Variants in HERC1 observed in about 807,000 individuals in gnomAD.
The protein encoded by HERC1 is probable E3 ubiquitin-protein ligase HERC1.
HERC1 carries 160 observed loss-of-function variants against 554.3 expected under a neutral mutation model. That is an observed-to-expected ratio of 0.29 (90% CI 0.25 to 0.33). The LOEUF (loss-of-function observed/expected upper bound fraction) is 0.33. Among genes scored for constraint, HERC1 ranks in the 10% least tolerant of loss-of-function variants. HERC1 has a pLI of 1.00. For synonymous variants in HERC1, 2,175 were observed against 2,131.7 expected (o/e 1.02, Z -0.56); for missense variants, 4,919 against 5,918.5 (o/e 0.83, Z 5.54).
chr15:63,617,608 A>G (rs1039109453), intron 74 of HERC1, among the ~76,000 whole-genome samples: 1 of 152,230 alleles, frequency 6.6e-6, no homozygotes, highest in Non-Finnish European at 1.5e-5. Context: ...TGGTTGAACT[A>G]GTTTACAGTC....
At chr15:63,690,463 G>T in intron 32 of HERC1, 78 bp downstream of exon 32, 1 of 849,146 alleles carries the variant, frequency 1.2e-6, no homozygotes, top group East Asian at 2.5e-5. Context: ...TACAACTGAA[G>T]AGACTGTTAA....
intron 48 of HERC1, among the ~76,000 whole-genome samples, chr15:63,658,106 C>T (rs1343145193): frequency 6.6e-6 from 1 of 152,210 alleles, no homozygotes; most frequent in Non-Finnish European, 1.5e-5. Flanking sequence ...TTAATCACTT[C>T]TTAAACAGCT....
chr15:63,734,664 C>A lies in HERC1; in HGVS notation c.2646+60G>T. On this transcript the variant is annotated intron_variant, in intron 13 of 77. Transcript: ENST00000443617. The surrounding 1 kb of genome is among the most constrained non-coding windows in gnomAD (Gnocchi z 4.6). ...CATGGCAATTTATTAGTTTTATTTC[C>A]TTCTCAGTCCAAATTTTTAGGATAC... 1.4e-6 allele frequency: 2 copies of A among 1,420,182 alleles called. No homozygotes were observed. The highest frequency in any genetic ancestry group is 1.5e-5 in the South Asian group (1 of 67,348). The allele number at this position is 1,420,182 out of a possible 1,614,324, so 88.0% of individuals were successfully genotyped here. A position where few individuals can be genotyped will look rare whatever the true frequency, so the allele number is the denominator to read the frequency against.
In HERC1 at chr15:63,694,531, A is replaced by C; in HGVS notation, c.5261T>G (p.Leu1754Arg). The change falls in exon 29 of 78, where the codon CTT becomes CGT. Residue 1754 changes from leucine to arginine, a missense_variant. Transcript: ENST00000443617. The surrounding 1 kb of genome is among the most constrained non-coding windows in gnomAD (Gnocchi z 4.3). ...KHHIEAQQRL[L>R]LVTVFALSVH... ...ACTTAGGGCAAAAACTGTAACCAGA[A>C]GCAGACGTTGCTGGGCTTCTAAAAG... The C allele has an allele frequency of 6.2e-7, 1 of 1,614,040 alleles. No individual in the cohort carries two copies. Among genetic ancestry groups the C allele is most frequent in the African/African-American group, 1.3e-5 (1 of 75,070 alleles).
chr15:63,616,142 A>C lies in HERC1; in HGVS notation c.13942-222T>G, dbSNP rs184664455. On this transcript the variant is annotated intron_variant, in intron 75 of 77. Coordinates refer to ENST00000443617, the MANE Select transcript of HERC1 (RefSeq NM_003922.4). ...GACAAAATCTCTCTGTTCACAAACC[A>C]AGCCTGTTGAACTCTCGTGACCTCA... 3.0e-4 allele frequency among the ~76,000 whole-genome samples: 46 copies of C among 152,274 alleles called. 1 individual carries two copies. Among genetic ancestry groups the C allele is most frequent in the Admixed American group, 2.7e-3 (42 of 15,302 alleles).
At position 63,758,232 on chromosome 15, in the gene HERC1, A is replaced by G; in HGVS notation, c.1164T>C (p.Gly388=). The part of the protein sequence containing the change: ...GSNSSHQLVE[G]TQEKILQPKL... ...TGGGTTGCAGTATTTTCTCCTGTGT[A>G]CCTTCTACCAACTGATGGCTGCTAT... Residue 388 remains glycine, a synonymous_variant, in exon 4 of 78, where the codon GGT becomes GGC. Coordinates refer to ENST00000443617, the MANE Select transcript of HERC1 (RefSeq NM_003922.4). The surrounding 1 kb of genome is among the most constrained non-coding windows in gnomAD (Gnocchi z 4.0). The G allele has an allele frequency of 1.2e-6, 2 of 1,613,836 alleles. No individual in the cohort carries two copies.
At position 63,716,432 on chromosome 15, in the gene HERC1, C is replaced by T; in HGVS notation, c.4020G>A (p.Glu1340=). 6.2e-7 allele frequency: 1 copy of T among 1,613,702 alleles called. No homozygotes were observed. The highest frequency in any genetic ancestry group is 8.5e-7 in the Non-Finnish European group (1 of 1,179,728). Residue 1340 remains glutamate, a synonymous_variant, in exon 22 of 78, where the codon GAG becomes GAA. Coordinates refer to ENST00000443617, the MANE Select transcript of HERC1 (RefSeq NM_003922.4). ...CATCAATAGTTCGAGTAAATGAATG[C>T]TCCTGAGGATCAACATCTGCAGAGT... The part of the protein sequence containing the change: ...NQDSADVDPQ[E]HSFTRTIDEE...
chr15:63,747,331 G>A (rs1398029193), intron 11 of HERC1, among the ~76,000 whole-genome samples: 1 of 151,992 alleles, frequency 6.6e-6, no homozygotes, highest in Non-Finnish European at 1.5e-5. Context: ...ATGATGGCGG[G>A]TGCCTGTAAT....
chr15:63,699,127 T>C, intron 25 of HERC1, 131 bp from the exon 26 acceptor site: 1 of 740,046 alleles, frequency 1.4e-6, no homozygotes, highest in Non-Finnish European at 2.2e-6. Flanking sequence ...AATACGCGCA[T>C]GCATTAAGTG....
At chr15:63,751,706 A>G (rs2075254105) in intron 8 of HERC1, among the ~76,000 whole-genome samples, 1 of 152,212 alleles carries the variant, frequency 6.6e-6, no homozygotes, top group African/African-American at 2.4e-5. Context: ...TACCCATTAA[A>G]AGTATTTCTG....
Position 63,775,100 on chromosome 15 carries a change from T to C in HERC1, c.524A>G (p.Gln175Arg), listed in dbSNP as rs2076077518. ...GLSLLFALLRQSWMMPVSGPG... is the reference protein window; with the variant it reads ...GLSLLFALLRRSWMMPVSGPG... ...TCCTGACACAGGCATCATCCAACTT[T>C]GTCTTAGAAGCGCAAATAATAAACT... The change falls in exon 2 of 78, where the codon CAA becomes CGA. Residue 175 changes from glutamine to arginine, a missense_variant. Physicochemically the swap from Gln to Arg is conservative, Grantham distance 43 (BLOSUM62 1). Transcript: ENST00000443617. The surrounding 1 kb of genome is among the most constrained non-coding windows in gnomAD (Gnocchi z 4.0). 8 of 1,614,036 alleles carry C rather than the reference T, an allele frequency of 5.0e-6. No homozygotes were observed. Among genetic ancestry groups the C allele is most frequent in the African/African-American group, 1.3e-5 (1 of 75,038 alleles).
At position 63,728,939 on chromosome 15, in the gene HERC1, T is replaced by TAAA. The variant is rs375000040; in HGVS notation, c.3154+294_3154+296dup. Among the ~76,000 whole-genome samples, 3,876 of 145,008 alleles carry TAAA rather than the reference T, an allele frequency of 0.027. 68 individuals are homozygous for TAAA. The highest frequency in any genetic ancestry group is 0.039 in the Non-Finnish European group (2,594 of 66,454). On this transcript the variant is annotated intron_variant, in intron 16 of 77. Transcript: ENST00000443617. ...AGAAAGGTAAAGAAAGAGCAGGTTT[T>TAAA]AAAAAAAAAAAAAAAGAGCAGATTA...
intron 50 of HERC1, among the ~76,000 whole-genome samples, chr15:63,655,026 T>C (rs2069944546): frequency 6.6e-6 from 1 of 152,160 alleles, no homozygotes; most frequent in Non-Finnish European, 1.5e-5. Flanking sequence ...ATGGTGTGAC[T>C]GTAACCAGTC....
At position 63,656,473 on chromosome 15, in the gene HERC1, A is replaced by C. The variant is rs2070043011; in HGVS notation, c.9600-115T>G. 5 of 928,474 alleles carry C rather than the reference A, an allele frequency of 5.4e-6. No homozygotes were observed. The South Asian group carries it at 8.3e-5, about 15-fold the overall frequency. The allele number at this position is 928,474 out of a possible 1,614,324, so 57.5% of individuals were successfully genotyped here. On this transcript the variant is annotated intron_variant, in intron 48 of 77. Coordinates refer to ENST00000443617, the MANE Select transcript of HERC1 (RefSeq NM_003922.4). The stretch of plus-strand genomic sequence containing the variant: ...ACAACCATAATAAAATGTAAGCTGC[A>C]CTATCATTAGCCATACATGTCCTAA...
In HERC1 at chr15:63,677,735, A is replaced by C. The variant is rs1308384029; in HGVS notation, c.7070+110T>G. ...CTAGCTGCATGAGAAATATTTTTAA[A>C]AGTTAACTGGCAGCTCACCTAAAAT... On this transcript the variant is annotated intron_variant, in intron 37 of 77. Coordinates refer to ENST00000443617, the MANE Select transcript of HERC1 (RefSeq NM_003922.4). The surrounding 1 kb of genome is among the most constrained non-coding windows in gnomAD (Gnocchi z 4.4). 1 of 1,487,906 alleles carries C rather than the reference A, an allele frequency of 6.7e-7. No individual in the cohort carries two copies. Among genetic ancestry groups the C allele is most frequent in the African/African-American group, 1.4e-5 (1 of 71,372 alleles). The allele number at this position is 1,487,906 out of a possible 1,614,324, so 92.2% of individuals were successfully genotyped here.
At chr15:63,818,353 T>C (rs1172834798) in intron 1 of HERC1, among the ~76,000 whole-genome samples, 1 of 152,036 alleles carries the variant, frequency 6.6e-6, no homozygotes, top group African/African-American at 2.4e-5. Flanking sequence ...TTTTATCTTG[T>C]GTACAAAAAC....
At chr15:63,825,818 T>C (rs1378907517) in intron 1 of HERC1, among the ~76,000 whole-genome samples, 8 of 152,034 alleles carry the variant, frequency 5.3e-5, no homozygotes, top group African/African-American at 7.3e-5. Flanking sequence ...AGGCTGAGTA[T>C]AGCGGTGGGT....
rs2070518393 is a variant in HERC1 at position 63,664,549 on chromosome 15, T to G, written c.8601A>C (p.Gly2867=). The G allele has an allele frequency of 1.2e-6, 2 of 1,613,532 alleles. No homozygotes were observed. Among genetic ancestry groups the G allele is most frequent in the East Asian group, 4.5e-5 (2 of 44,860 alleles). The change falls in exon 43 of 78, where the codon GGA becomes GGC. Residue 2867 remains glycine (G), a synonymous_variant. Coordinates refer to ENST00000443617, the MANE Select transcript of HERC1 (RefSeq NM_003922.4). ...DHTENAASGS[G]PSARGRSAVT... ...CCGCTGAGCGACCTCTAGCTGATGG[T>G]CCACTTCCAGAAGCTGCATTCTCTG...
In HERC1 at chr15:63,652,378, T is replaced by C. The variant is rs375730812; in HGVS notation, c.10418+36A>G. 3.2e-6 allele frequency: 5 copies of C among 1,560,150 alleles called. No individual in the cohort carries two copies. The African/African-American group carries it at 6.8e-5, about 21-fold the overall frequency. On this transcript the variant is annotated intron_variant, in intron 52 of 77. Transcript: ENST00000443617. ...AGATGAGGCATGTTTAGGATTCTCT[T>C]ATTTTAAATGGTATACACGTGATGT... is the stretch of plus-strand genomic sequence containing the variant.
Sources: allele counts gnomAD v4.1 joint callset (sites outside exome capture counted in the v4.1 genomes callset), GRCh38; gene constraint gnomAD v4.1.1; non-coding constraint Gnocchi (gnomAD v3.1); transcripts MANE v1.5; gene names NCBI Gene and HGNC (gene_info 2026-07-23, HGNC 2026-07-21).